XYLT1: variants seen among roughly 807,000 people sequenced by gnomAD.
The protein encoded by XYLT1 is beta-D-xylosyltransferase 1.
A neutral mutation model predicts 91.3 loss-of-function variants in XYLT1; 36 were observed. That is an observed-to-expected ratio of 0.39 (90% CI 0.30 to 0.52). The LOEUF is 0.52. Among genes scored for constraint, XYLT1 ranks in the 20% least tolerant of loss-of-function variants. The pLI is 0.68. For synonymous variants in XYLT1, 588 were observed against 532.0 expected, an observed-to-expected ratio of 1.11 and a Z score of -1.45; for missense variants, 1,242 against 1,284.5, an observed-to-expected ratio of 0.97 and a Z score of 0.51.
chr16:17,367,945 A>G (rs959592740), intron 1 of XYLT1, among the ~76,000 whole-genome samples: 2 of 152,180 alleles, frequency 1.3e-5, no homozygotes, highest in African/African-American at 4.8e-5. Context: ...TCTGGAGTTC[A>G]TCCCATTTTG....
At chr16:17,199,185 T>C (rs2141588043) in intron 4 of XYLT1, among the ~76,000 whole-genome samples, 1 of 152,332 alleles carries the variant, frequency 6.6e-6, no homozygotes, top group South Asian at 2.1e-4. Context: ...TCCTCCATTA[T>C]CCTCTCACAG....
intron 2 of XYLT1, among the ~76,000 whole-genome samples, chr16:17,335,797 C>T (rs78275450): frequency 6.6e-6 from 1 of 151,674 alleles, no homozygotes; most frequent in East Asian, 1.9e-4. Context: ...TTTAAATCAG[C>T]TCATCTATAT....
intron 1 of XYLT1, among the ~76,000 whole-genome samples, chr16:17,457,252 T>C (rs1350603270): frequency 6.6e-6 from 1 of 152,256 alleles, no homozygotes; most frequent in African/African-American, 2.4e-5. Flanking sequence ...TTATTCCATC[T>C]GGAGCCCACA....
Position 17,107,373 on chromosome 16 carries a change from C to G in XYLT1, c.*1322G>C, listed in dbSNP as rs1045779730. On this transcript the variant is annotated 3_prime_UTR_variant, in exon 12 of 12. Transcript: ENST00000261381. Reference sequence around the variant, plus strand: ...GGGATTACAGGAGCAAGGGAGGCCTCCTGCGAAGAGCTCTCCTGGTGAACA... The same window carrying G: ...GGGATTACAGGAGCAAGGGAGGCCTGCTGCGAAGAGCTCTCCTGGTGAACA... 3 of 152,194 alleles carry G rather than the reference C, an allele frequency of 2.0e-5. No homozygotes were observed. Among genetic ancestry groups the G allele is most frequent in the Non-Finnish European group, 4.4e-5 (3 of 68,030 alleles). 9.4% of individuals were successfully genotyped at this position (152,194 alleles called of 1,614,324 possible).
chr16:17,108,366 A>G lies in XYLT1; in HGVS notation c.*329T>C, dbSNP rs571588663. 175 of 267,784 alleles carry G rather than the reference A, an allele frequency of 6.5e-4. No individual in the cohort carries two copies. The highest frequency in any genetic ancestry group is 3.5e-3 in the Admixed American group (65 of 18,492). The allele number at this position is 267,784 out of a possible 1,614,324, so 16.6% of individuals were successfully genotyped here. A position where few individuals can be genotyped will look rare whatever the true frequency, so the allele number is the denominator to read the frequency against. On this transcript the variant is annotated 3_prime_UTR_variant, in exon 12 of 12. Transcript: ENST00000261381. Reference sequence around the variant, plus strand: ...TCCGTAAACGAAGTTCTGCTGCTCGAAAGAAAAGTCTGAAAATCACACGTC... The same window carrying G: ...TCCGTAAACGAAGTTCTGCTGCTCGGAAGAAAAGTCTGAAAATCACACGTC...
chr16:17,327,625 C>T (rs2034832007), intron 2 of XYLT1, among the ~76,000 whole-genome samples: 1 of 124,232 alleles, frequency 8.0e-6, no homozygotes, highest in Admixed American at 7.5e-5. Context: ...CCCCCCCCCC[C>T]CCCGCCTCGG....
intron 1 of XYLT1, among the ~76,000 whole-genome samples, chr16:17,469,672 G>C (rs2036952113): frequency 6.6e-6 from 1 of 152,184 alleles, no homozygotes; most frequent in African/African-American, 2.4e-5. Flanking sequence ...AAGCCCTGAC[G>C]GTGTGGTCGG....
chr16:17,459,653 C>T (rs1399002272), intron 1 of XYLT1, among the ~76,000 whole-genome samples: 2 of 152,174 alleles, frequency 1.3e-5, no homozygotes, highest in Non-Finnish European at 2.9e-5. Flanking sequence ...GTTCAGCTCC[C>T]TAATGGTTTC....
chr16:17,283,968 A>G (rs2141788403), intron 2 of XYLT1, among the ~76,000 whole-genome samples: 1 of 152,354 alleles, frequency 6.6e-6, no homozygotes, highest in East Asian at 1.9e-4. Context: ...CCGCCCAGTC[A>G]GAGAATAAAC....
At chr16:17,160,413 C>T (rs1222726839) in intron 5 of XYLT1, among the ~76,000 whole-genome samples, 1 of 152,188 alleles carries the variant, frequency 6.6e-6, no homozygotes, top group Non-Finnish European at 1.5e-5. Context: ...CCACTCCAAG[C>T]CCCTGTTCTC....
intron 6 of XYLT1, among the ~76,000 whole-genome samples, chr16:17,156,048 G>A (rs951075053): frequency 1.3e-5 from 2 of 152,234 alleles, no homozygotes; most frequent in Non-Finnish European, 2.9e-5. Flanking sequence ...TGTATATGCA[G>A]CATCTCATTT....
In XYLT1 at chr16:17,312,403, C is replaced by T. The variant is rs1457906; in HGVS notation, c.402+45609G>A. Among the ~76,000 whole-genome samples, 27,605 of 152,038 alleles carry T rather than the reference C, an allele frequency of 0.18. 3,076 individuals carry two copies. Among genetic ancestry groups the T allele is most frequent in the African/African-American group, 0.31 (12,926 of 41,444 alleles). On this transcript the variant is annotated intron_variant, in intron 2 of 11. Transcript: ENST00000261381. This position sits in a 1 kb window ranked among gnomAD's most constrained non-coding sequence, Gnocchi z 4.4. ...ATCATCAGGGCTGGCATTCCTGTAG[C>T]GCTTACCATGTATGGGGTCTTGTCT...
intron 10 of XYLT1, among the ~76,000 whole-genome samples, chr16:17,122,942 T>C (rs1267042503): frequency 6.6e-6 from 1 of 152,216 alleles, no homozygotes; most frequent in Non-Finnish European, 1.5e-5. Flanking sequence ...TATATGCCTT[T>C]TTTTATACCA....
At position 17,300,800 on chromosome 16, in the gene XYLT1, C is replaced by T. The variant is rs114673077; in HGVS notation, c.403-41302G>A. Among the ~76,000 whole-genome samples, 905 of 152,090 alleles carry T rather than the reference C, an allele frequency of 6.0e-3. 11 individuals carry two copies. The highest frequency in any genetic ancestry group is 0.021 in the African/African-American group (853 of 41,506). On this transcript the variant is annotated intron_variant, in intron 2 of 11. Coordinates refer to ENST00000261381, the MANE Select transcript of XYLT1 (RefSeq NM_022166.4). The stretch of plus-strand genomic sequence containing the variant: ...AAGAATGGGGGCCATGATATATATA[C>T]TGAACCAGAACAATCGATGAGCTAG...
At chr16:17,275,358 C>T (rs551997949) in intron 2 of XYLT1, among the ~76,000 whole-genome samples, 20 of 152,272 alleles carry the variant, frequency 1.3e-4, no homozygotes, top group Admixed American at 2.6e-4. Context: ...TTAACAACTA[C>T]GCTTGGCTCA....
At chr16:17,274,433 T>G (rs2033941268) in intron 2 of XYLT1, among the ~76,000 whole-genome samples, 1 of 152,092 alleles carries the variant, frequency 6.6e-6, no homozygotes, top group Admixed American at 6.5e-5. Context: ...CATATGTTAT[T>G]TGGGTGTCCA....
intron 6 of XYLT1, 50 bp downstream of exon 6, chr16:17,158,779 A>T: frequency 6.3e-7 from 1 of 1,593,036 alleles, no homozygotes; most frequent in Non-Finnish European, 8.6e-7. Flanking sequence ...CCAAATGATC[A>T]CTCAGATTTT....
intron 5 of XYLT1, among the ~76,000 whole-genome samples, chr16:17,169,571 A>G (rs1400381751): frequency 1.3e-5 from 2 of 151,118 alleles, no homozygotes; most frequent in Non-Finnish European, 2.9e-5. Flanking sequence ...TGGAAAGGTA[A>G]CTGACAACAA....
At chr16:17,452,590 G>A (rs775001682) in intron 1 of XYLT1, among the ~76,000 whole-genome samples, 8 of 151,696 alleles carry the variant, frequency 5.3e-5, no homozygotes, top group African/African-American at 1.7e-4. Flanking sequence ...TTTCATTTTC[G>A]CTAATCAATA....
Sources: allele counts gnomAD v4.1 joint callset (sites outside exome capture counted in the v4.1 genomes callset), GRCh38; gene constraint gnomAD v4.1.1; non-coding constraint Gnocchi (gnomAD v3.1); transcripts MANE v1.5; gene names NCBI Gene and HGNC (gene_info 2026-07-23, HGNC 2026-07-21).